Variants in PDZD2 observed in about 807,000 individuals in gnomAD.
PDZD2 encodes PDZ domain containing 2.
In PDZD2, 90 loss-of-function variants were observed where a neutral mutation model predicts 220.7. That is an observed-to-expected ratio of 0.41 (90% confidence interval 0.34 to 0.49). The LOEUF is 0.49. Ranked by LOEUF, PDZD2 falls within the 20% of genes least tolerant of loss-of-function variation. The probability of loss-of-function intolerance (pLI) is 0.28; values close to 1 mark genes in which losing one functional copy is unlikely to be tolerated. For missense variants in PDZD2, 3,174 were observed against 3,608.5 expected, an observed-to-expected ratio of 0.88 and a Z score of 3.08; for synonymous variants, 1,375 against 1,450.5, an observed-to-expected ratio of 0.95 and a Z score of 1.18.
At chr5:31,841,970 CA>C (rs746655262) in intron 2 of PDZD2, among the ~76,000 whole-genome samples, 33 of 140,132 alleles carry the variant, frequency 2.4e-4, no homozygotes, top group South Asian at 1.4e-3. Context: ...GACTCCATCT[CA>C]AAAAAAAAAA....
chr5:31,725,937 ACT>A (rs1215573896), intron 1 of PDZD2: 6 of 659,170 alleles, frequency 9.1e-6, no homozygotes, highest in Admixed American at 2.3e-5. Context: ...CTGGGTCTCC[ACT>A]CTCTGCCGCA....
chr5:31,850,727 C>T lies in PDZD2; in HGVS notation c.476+51003C>T, dbSNP rs186425466. 3.0e-3 allele frequency among the ~76,000 whole-genome samples: 456 copies of T among 150,742 alleles called. 1 individual carries two copies. The highest frequency in any genetic ancestry group is 5.5e-3 in the Non-Finnish European group (374 of 67,850). ...TCTCGTCTCACTGCAACCTCCGCCT[C>T]CTGGGTTCAAGCGATTCTTCTGTCT... On this transcript the variant is annotated intron_variant, in intron 2 of 24. Transcript: ENST00000438447.
At chr5:32,031,125 G>T (rs1755078959) in intron 6 of PDZD2, among the ~76,000 whole-genome samples, 1 of 152,044 alleles carries the variant, frequency 6.6e-6, no homozygotes, top group Admixed American at 6.6e-5. Flanking sequence ...TGACTCTCAG[G>T]TAGCTTTCTT....
chr5:31,979,091 A>G (rs1340487827), intron 2 of PDZD2, among the ~76,000 whole-genome samples: 1 of 152,200 alleles, frequency 6.6e-6, no homozygotes, highest in Admixed American at 6.5e-5. Context: ...CTCTGAATCA[A>G]TAGGCCAGAC....
intron 2 of PDZD2, among the ~76,000 whole-genome samples, chr5:31,856,633 C>G (rs574183175): frequency 6.6e-6 from 1 of 152,088 alleles, no homozygotes. Flanking sequence ...GCACCTGGCA[C>G]GTAGTAGCGC....
At chr5:32,079,431 C>T (rs1008450101) in intron 19 of PDZD2, among the ~76,000 whole-genome samples, 1 of 151,786 alleles carries the variant, frequency 6.6e-6, no homozygotes, top group African/African-American at 2.4e-5. Flanking sequence ...GTTACTGTCT[C>T]AGCGCCTGCC....
chr5:31,766,732 A>ATG (rs371931655), intron 1 of PDZD2, among the ~76,000 whole-genome samples: 2 of 143,768 alleles, frequency 1.4e-5, no homozygotes, highest in African/African-American at 2.6e-5. Context: ...CTTAAGCAGA[A>ATG]TTTTTTTTTT....
At chr5:32,061,570 G>A (rs151847) in intron 14 of PDZD2, among the ~76,000 whole-genome samples, 22,350 of 152,056 alleles carry the variant, frequency 0.15, 2,031 homozygotes, top group East Asian at 0.36. Context: ...AATGTTGAAT[G>A]ATTAATTTAT....
intron 1 of PDZD2, among the ~76,000 whole-genome samples, chr5:31,772,918 GTGTTGCTCAC>G (rs1406530892): frequency 5.9e-5 from 9 of 152,140 alleles, no homozygotes; most frequent in African/African-American, 2.2e-4. Flanking sequence ...ATAGACACAC[GTGTTGCTCAC>G]TGTCTGCTTG....
intron 3 of PDZD2, among the ~76,000 whole-genome samples, chr5:31,993,392 G>A (rs1044894967): frequency 1.3e-5 from 2 of 152,236 alleles, no homozygotes; most frequent in Non-Finnish European, 2.9e-5. Flanking sequence ...ACCCGAAGGA[G>A]TGTGGGATCC....
At chr5:31,965,642 C>G (rs1243859751) in intron 2 of PDZD2, among the ~76,000 whole-genome samples, 3 of 152,160 alleles carry the variant, frequency 2.0e-5, no homozygotes, top group African/African-American at 7.2e-5. Flanking sequence ...CTCCTGTAAT[C>G]CTAGCACTTT....
intron 5 of PDZD2, among the ~76,000 whole-genome samples, chr5:32,003,319 A>AC (rs1752475769): frequency 3.2e-5 from 1 of 31,716 alleles, no homozygotes; most frequent in Non-Finnish European, 6.6e-5. Flanking sequence ...CACACACCCC[A>AC]CACACACACC....
intron 24 of PDZD2, among the ~76,000 whole-genome samples, chr5:32,101,470 G>A (rs548719161): frequency 6.3e-4 from 96 of 152,306 alleles, no homozygotes; most frequent in African/African-American, 2.3e-3. Flanking sequence ...AGAAACTGAG[G>A]CACGTAGGGT....
chr5:32,032,432 C>T (rs998356245), intron 6 of PDZD2, among the ~76,000 whole-genome samples: 1 of 152,156 alleles, frequency 6.6e-6, no homozygotes, highest in African/African-American at 2.4e-5. Flanking sequence ...TTCCTTGGGC[C>T]ACTGCTTCCG....
chr5:31,738,989 A>G (rs998063510), intron 1 of PDZD2, among the ~76,000 whole-genome samples: 2 of 152,034 alleles, frequency 1.3e-5, no homozygotes, highest in East Asian at 3.9e-4. Context: ...GGGTTGAAGC[A>G]ATTCTCCTGC....
intron 1 of PDZD2, among the ~76,000 whole-genome samples, chr5:31,734,270 T>A (rs536638012): frequency 5.3e-5 from 8 of 152,262 alleles, no homozygotes; most frequent in Middle Eastern, 3.4e-3. Context: ...AACCTCTGAA[T>A]GTTCAGCAAT....
chr5:32,038,170 CTT>C, intron 7 of PDZD2, among the ~76,000 whole-genome samples: 1 of 93,806 alleles, frequency 1.1e-5, no homozygotes, highest in South Asian at 3.8e-4. Flanking sequence ...CATGATGGGT[CTT>C]TTCCTCCATT....
intron 7 of PDZD2, among the ~76,000 whole-genome samples, chr5:32,044,436 G>A (rs1737731320): frequency 6.6e-6 from 1 of 152,152 alleles, no homozygotes; most frequent in Admixed American, 6.5e-5. Flanking sequence ...GGTACAGGGA[G>A]TGGAAGTCTG....
chr5:31,803,032 C>T (rs1340799101), intron 2 of PDZD2, among the ~76,000 whole-genome samples: 2 of 151,210 alleles, frequency 1.3e-5, no homozygotes, highest in Non-Finnish European at 2.9e-5. Context: ...CAGGGAAGTG[C>T]AGGGGTCAGT....
Sources: allele counts gnomAD v4.1 joint callset (sites outside exome capture counted in the v4.1 genomes callset), GRCh38; gene constraint gnomAD v4.1.1; transcripts MANE v1.5; gene names NCBI Gene and HGNC (gene_info 2026-07-23, HGNC 2026-07-21).